Variants in MGAT5 observed in about 807,000 individuals in gnomAD.
MGAT5 encodes the protein alpha-1,6-mannosylglycoprotein 6-beta-N-acetylglucosaminyltransferase A.
A neutral mutation model predicts 94.3 loss-of-function variants in MGAT5; 30 were observed. The observed-to-expected ratio is 0.32, with a 90% CI of 0.24 to 0.43. MGAT5 has a LOEUF of 0.43. Among genes scored for constraint, MGAT5 ranks in the 20% least tolerant of loss-of-function variants. The pLI is 1.00. For missense variants in MGAT5, 691 were observed against 905.5 expected, an observed-to-expected ratio of 0.76 and a Z score of 3.04; for synonymous variants, 310 against 322.9, an observed-to-expected ratio of 0.96 and a Z score of 0.43.
intron 12 of MGAT5, among the ~76,000 whole-genome samples, chr2:134,421,777 C>CT (rs1684307939): frequency 6.6e-6 from 1 of 152,086 alleles, no homozygotes; most frequent in African/African-American, 2.4e-5. Context: ...TGAAAATGCT[C>CT]TCACACGTGG....
At chr2:134,176,148 A>G (rs1359037032) in intron 1 of MGAT5, among the ~76,000 whole-genome samples, 1 of 152,122 alleles carries the variant, frequency 6.6e-6, no homozygotes, top group Non-Finnish European at 1.5e-5. Context: ...GGAAGGCTGA[A>G]GGGGGTTGCT....
In MGAT5 at chr2:134,401,114, ATGCT is replaced by A. The variant is rs529596870; in HGVS notation, c.1381-1870_1381-1867del. Among the ~76,000 whole-genome samples the A allele has an allele frequency of 7.3e-3, 1,089 of 148,912 alleles. 8 individuals are homozygous for A. Among genetic ancestry groups the A allele is most frequent in the African/African-American group, 0.025 (1,019 of 40,156 alleles). ...CTCTTTTTTTTTCTAGCTCTGTGTC[ATGCT>A]TGCAGTGGTGATGTTTTGGTTGTAG... On this transcript the variant is annotated intron_variant, in intron 10 of 15. Coordinates refer to ENST00000281923, the MANE Select transcript of MGAT5 (RefSeq NM_002410.5).
intron 13 of MGAT5, among the ~76,000 whole-genome samples, chr2:134,423,668 G>A (rs948996192): frequency 1.3e-5 from 2 of 152,152 alleles, no homozygotes; most frequent in East Asian, 3.8e-4. Flanking sequence ...ATGTGGGAGG[G>A]CAGGCTGGAC....
intron 2 of MGAT5, among the ~76,000 whole-genome samples, chr2:134,276,101 T>C (rs2105682717): frequency 6.6e-6 from 1 of 152,192 alleles, no homozygotes; most frequent in East Asian, 1.9e-4. Context: ...AGTTTCCTGA[T>C]TGCCAGCTGA....
At chr2:134,199,814 G>A (rs1679685511) in intron 1 of MGAT5, among the ~76,000 whole-genome samples, 2 of 152,122 alleles carry the variant, frequency 1.3e-5, no homozygotes, top group Admixed American at 1.3e-4. Context: ...CCTGCATATG[G>A]CTACTATCCA....
At chr2:134,227,092 G>GTA (rs2105376783) in intron 1 of MGAT5, among the ~76,000 whole-genome samples, 1 of 152,066 alleles carries the variant, frequency 6.6e-6, no homozygotes, top group South Asian at 2.1e-4. Flanking sequence ...AATACCAAGG[G>GTA]TATATCCTTA....
At chr2:134,200,038 T>G (rs1679703244) in intron 1 of MGAT5, among the ~76,000 whole-genome samples, 2 of 152,236 alleles carry the variant, frequency 1.3e-5, no homozygotes, top group South Asian at 4.1e-4. Context: ...CTGTCTCAGG[T>G]AAAGGATGTC....
chr2:134,446,248 C>G (rs1685767454), intron 15 of MGAT5, among the ~76,000 whole-genome samples: 1 of 152,034 alleles, frequency 6.6e-6, no homozygotes, highest in Non-Finnish European at 1.5e-5. Flanking sequence ...TGCTTCTACC[C>G]CGGGAGATGG....
intron 15 of MGAT5, among the ~76,000 whole-genome samples, chr2:134,447,694 C>T (rs2106445275): frequency 6.6e-6 from 1 of 152,346 alleles, no homozygotes; most frequent in Non-Finnish European, 1.5e-5. Flanking sequence ...TGGGAGCAGT[C>T]ATCCCAAGTG....
intron 10 of MGAT5, among the ~76,000 whole-genome samples, chr2:134,370,819 C>T (rs2106154465): frequency 6.6e-6 from 1 of 152,276 alleles, no homozygotes; most frequent in South Asian, 2.1e-4. Context: ...TTTAAGATTC[C>T]AAGAGCCATG....
At chr2:134,191,293 T>C (rs191041739) in intron 1 of MGAT5, among the ~76,000 whole-genome samples, 1 of 152,400 alleles carries the variant, frequency 6.6e-6, no homozygotes, top group East Asian at 1.9e-4. Flanking sequence ...AGTTCATGTG[T>C]TGGAAACATC....
In MGAT5 at chr2:134,394,274, C is replaced by G. The variant is rs112957487; in HGVS notation, c.1381-8714C>G. On this transcript the variant is annotated intron_variant, in intron 10 of 15. Coordinates refer to ENST00000281923, the MANE Select transcript of MGAT5 (RefSeq NM_002410.5). ...AGCAATTACTTTTCATCCTGGCCTG[C>G]AGAAATTGTGTTCTGCCAGTCACTG... Among the ~76,000 whole-genome samples, 67 of 152,274 alleles carry G rather than the reference C, an allele frequency of 4.4e-4. 1 individual carries two copies. Among genetic ancestry groups the G allele is most frequent in the African/African-American group, 1.5e-3 (63 of 41,562 alleles).
At chr2:134,369,148 C>T (rs578089890) in intron 10 of MGAT5, among the ~76,000 whole-genome samples, 1 of 152,346 alleles carries the variant, frequency 6.6e-6, no homozygotes, top group South Asian at 2.1e-4. Context: ...TACTTGATGA[C>T]TGAATGAATC....
chr2:134,234,268 T>C (rs1247219033), intron 1 of MGAT5, among the ~76,000 whole-genome samples: 1 of 152,192 alleles, frequency 6.6e-6, no homozygotes, highest in Non-Finnish European at 1.5e-5. Flanking sequence ...CCTAGAGCAG[T>C]GATGCCTATA....
At chr2:134,332,388 T>G (rs1247657064) in intron 4 of MGAT5, among the ~76,000 whole-genome samples, 1 of 150,664 alleles carries the variant, frequency 6.6e-6, no homozygotes, top group Non-Finnish European at 1.5e-5. Flanking sequence ...TAGCCATATG[T>G]AGAAAGCTGA....
intron 1 of MGAT5, among the ~76,000 whole-genome samples, chr2:134,225,195 G>T (rs772966436): frequency 1.3e-5 from 2 of 152,056 alleles, no homozygotes; most frequent in South Asian, 4.1e-4. Flanking sequence ...AAGGAATGTG[G>T]TGTCCACTGC....
At chr2:134,154,355 C>T (rs1339400089) in intron 1 of MGAT5, among the ~76,000 whole-genome samples, 1 of 152,116 alleles carries the variant, frequency 6.6e-6, no homozygotes, top group Non-Finnish European at 1.5e-5. Flanking sequence ...AGGAAATGGC[C>T]CTGCTCCCAC....
At chr2:134,188,191 A>G (rs1050443409) in intron 1 of MGAT5, among the ~76,000 whole-genome samples, 2 of 152,230 alleles carry the variant, frequency 1.3e-5, no homozygotes, top group African/African-American at 4.8e-5. Context: ...ATTCTTCCCT[A>G]AGGAAATCGG....
In MGAT5 at chr2:134,349,955, C is replaced by T. The variant is rs761325320; in HGVS notation, c.1246+17C>T. 4 of 1,612,352 alleles carry T rather than the reference C, an allele frequency of 2.5e-6. No individual in the cohort carries two copies. Among genetic ancestry groups the T allele is most frequent in the Admixed American group, 1.7e-5 (1 of 59,814 alleles). ...CCATGTTCCGTGAGTATTCCTGTTT[C>T]ATGTATGCTTTCCAGAATGCCACCA... On this transcript the variant is annotated intron_variant, in intron 9 of 15. Transcript: ENST00000281923.
Sources: gnomAD v4.1 joint callset for allele counts (sites outside exome capture counted in the v4.1 genomes callset) on GRCh38, gnomAD v4.1.1 for gene constraint, MANE v1.5 for transcripts, NCBI Gene and HGNC (gene_info 2026-07-23, HGNC 2026-07-21) for gene names.